The following SAMD3 variants were observed in gnomAD, a reference collection of about 807,000 sequenced individuals.
The protein encoded by SAMD3 is sterile alpha motif domain containing 3, also known as sterile alpha motif domain-containing protein 3.
A neutral mutation model predicts 58.5 loss-of-function variants in SAMD3; 63 were observed. The observed-to-expected ratio is 1.08, with a 90% CI of 0.88 to 1.33. The LOEUF is 1.33. Among genes scored for constraint, SAMD3 ranks in the 40% most tolerant of loss-of-function variants. The pLI is 0.00. For missense variants in SAMD3, 604 were observed against 608.4 expected, an observed-to-expected ratio of 0.99 and a Z score of 0.08; for synonymous variants, 220 against 210.3, an observed-to-expected ratio of 1.05 and a Z score of -0.40.
intron 2 of SAMD3, among the ~76,000 whole-genome samples, chr6:130,262,464 C>T (rs1247089581): frequency 6.6e-6 from 1 of 151,178 alleles, no homozygotes; most frequent in Admixed American, 6.6e-5. Context: ...AAGGAAATTC[C>T]CTTAACCCAG....
At chr6:130,176,125 C>A in intron 7 of SAMD3, 117 bp from the exon 8 acceptor site, 1 of 806,310 alleles carries the variant, frequency 1.2e-6, no homozygotes, top group Non-Finnish European at 2.1e-6. Flanking sequence ...ATTATTTTCA[C>A]ATCATGGTAA....
chr6:130,296,984 C>G (rs1237054902), intron 2 of SAMD3, among the ~76,000 whole-genome samples: 1 of 152,196 alleles, frequency 6.6e-6, no homozygotes, highest in East Asian at 1.9e-4. Context: ...CTTCCTACCA[C>G]CCATCCTTCA....
Position 130,190,325 on chromosome 6 carries a change from A to AC in SAMD3, c.384-5703dup, listed in dbSNP as rs10688581. 5.3e-5 allele frequency among the ~76,000 whole-genome samples: 8 copies of AC among 151,674 alleles called. No individual in the cohort carries two copies. In the East Asian group the frequency reaches 1.2e-3, roughly 22 times the overall value. On this transcript the variant is annotated intron_variant, in intron 5 of 11. Transcript: ENST00000439090. ...AAATTATGTAACGTACAAAAAAAAA[A>AC]CCCAGAAAATGTAATCCATCCTCAA... is the stretch of plus-strand genomic sequence containing the variant.
chr6:130,195,190 C>T (rs1317234478), intron 5 of SAMD3, among the ~76,000 whole-genome samples: 3 of 151,932 alleles, frequency 2.0e-5, no homozygotes, highest in Non-Finnish European at 4.4e-5. Context: ...CAACCCAAAG[C>T]CTCCTTCATG....
intron 5 of SAMD3, among the ~76,000 whole-genome samples, chr6:130,190,133 T>TG (rs369768762): frequency 2.8e-4 from 36 of 127,730 alleles, no homozygotes; most frequent in African/African-American, 1.0e-3. Flanking sequence ...TGTGCATAAC[T>TG]GGACTAAAGA....
At chr6:130,364,620 A>C (rs1778079193) in intron 1 of SAMD3, among the ~76,000 whole-genome samples, 1 of 151,952 alleles carries the variant, frequency 6.6e-6, no homozygotes, top group Non-Finnish European at 1.5e-5. Context: ...TACTAGATGC[A>C]GGTGGGGTAA....
At chr6:130,184,687 C>A in intron 5 of SAMD3, 64 bp from the exon 6 acceptor site, 1 of 1,364,776 alleles carries the variant, frequency 7.3e-7, no homozygotes, top group South Asian at 1.4e-5. Flanking sequence ...TATTAATTTG[C>A]TACATCCTGA....
intron 7 of SAMD3, among the ~76,000 whole-genome samples, chr6:130,178,808 G>A (rs1434210434): frequency 2.6e-5 from 4 of 152,188 alleles, no homozygotes; most frequent in Non-Finnish European, 4.4e-5. Context: ...TGTTTGTAAA[G>A]TCCTTCAACA....
intron 2 of SAMD3, among the ~76,000 whole-genome samples, chr6:130,282,657 A>C (rs1775019784): frequency 6.6e-6 from 1 of 152,090 alleles, no homozygotes; most frequent in South Asian, 2.1e-4. Context: ...AAGAAAAAAA[A>C]AATCTACTCA....
At chr6:130,350,384 C>A (rs1343680219) in intron 1 of SAMD3, among the ~76,000 whole-genome samples, 1 of 152,076 alleles carries the variant, frequency 6.6e-6, no homozygotes, top group Non-Finnish European at 1.5e-5. Context: ...TCTCAGGATA[C>A]AAAATCAATG....
At chr6:130,163,600 G>A (rs1249068774) in intron 8 of SAMD3, among the ~76,000 whole-genome samples, 1 of 152,146 alleles carries the variant, frequency 6.6e-6, no homozygotes, top group Non-Finnish European at 1.5e-5. Flanking sequence ...GACAGTAATT[G>A]CACTCTATGT....
chr6:130,185,712 C>G (rs1272095265), intron 5 of SAMD3, among the ~76,000 whole-genome samples: 1 of 151,228 alleles, frequency 6.6e-6, no homozygotes, highest in Non-Finnish European at 1.5e-5. Flanking sequence ...CTCACTGCAG[C>G]CTTGACCTCC....
At chr6:130,166,867 A>T (rs1790778596) in intron 8 of SAMD3, among the ~76,000 whole-genome samples, 1 of 152,224 alleles carries the variant, frequency 6.6e-6, no homozygotes, top group South Asian at 2.1e-4. Context: ...TTTGAAGGCT[A>T]GATAATGGTA....
At chr6:130,177,669 T>C (rs75941215) in intron 7 of SAMD3, among the ~76,000 whole-genome samples, 1 of 152,200 alleles carries the variant, frequency 6.6e-6, no homozygotes, top group African/African-American at 2.4e-5. Flanking sequence ...CTCATCTATG[T>C]GATACTTTGT....
Position 130,247,207 on chromosome 6 carries a change from C to T in SAMD3, c.-187-24394G>A, listed in dbSNP as rs538124497. 6.9e-4 allele frequency among the ~76,000 whole-genome samples: 105 copies of T among 152,124 alleles called. 1 individual carries two copies. The highest frequency in any genetic ancestry group is 3.1e-3 in the Admixed American group (47 of 15,288). On this transcript the variant is annotated intron_variant, in intron 2 of 13. Coordinates refer to the SAMD3 transcript ENST00000368134. ...GTTCCTGGCTGGGTGTGGTGGCTCA[C>T]GCCCGTAATCCCAACACTTTGAGAG...
chr6:130,321,859 T>C (rs577314131), intron 1 of SAMD3, among the ~76,000 whole-genome samples: 96 of 152,226 alleles, frequency 6.3e-4, no homozygotes, highest in African/African-American at 2.2e-3. Context: ...CTAGATATAT[T>C]CTACATATAT....
chr6:130,165,623 A>C (rs954951879), intron 8 of SAMD3, among the ~76,000 whole-genome samples: 22 of 152,076 alleles, frequency 1.4e-4, no homozygotes, highest in African/African-American at 5.1e-4. Flanking sequence ...TACACATCAA[A>C]ATTTTTTCAG....
At chr6:130,320,644 A>C (rs963260161) in intron 1 of SAMD3, among the ~76,000 whole-genome samples, 3 of 152,236 alleles carry the variant, frequency 2.0e-5, no homozygotes, top group Admixed American at 2.0e-4. Context: ...TCAACAGGTG[A>C]ATAGATTAAC....
intron 1 of SAMD3, among the ~76,000 whole-genome samples, chr6:130,335,492 A>G (rs1338622692): frequency 2.0e-5 from 3 of 152,244 alleles, no homozygotes; most frequent in African/African-American, 7.2e-5. Context: ...ATCATTATTC[A>G]TTTATCCACT....
Sources: gnomAD v4.1 joint callset for allele counts (sites outside exome capture counted in the v4.1 genomes callset) on GRCh38, gnomAD v4.1.1 for gene constraint, MANE v1.5 for transcripts, NCBI Gene and HGNC (gene_info 2026-07-23, HGNC 2026-07-21) for gene names.